Variants in CUL1 observed in about 807,000 individuals in gnomAD.
CUL1 encodes the protein cullin 1, also known as cullin-1.
In CUL1, 24 loss-of-function variants were observed where a neutral mutation model predicts 118.0. That is an observed-to-expected ratio of 0.20 (90% CI 0.15 to 0.29). CUL1 has a LOEUF of 0.29. Ranked by LOEUF, CUL1 falls within the 10% of genes least tolerant of loss-of-function variation. The pLI is 1.00. For missense variants in CUL1, 361 were observed against 933.8 expected, an observed-to-expected ratio of 0.39 and a Z score of 7.99; for synonymous variants, 332 against 340.4, an observed-to-expected ratio of 0.98 and a Z score of 0.27.
chr7:148,738,148 A>C (rs1799020280), intron 2 of CUL1, among the ~76,000 whole-genome samples: 1 of 152,216 alleles, frequency 6.6e-6, no homozygotes, highest in African/African-American at 2.4e-5. Flanking sequence ...CACTTCAGAA[A>C]TAAGGCATGG....
chr7:148,705,301 G>A (rs1238895276), intron 1 of CUL1, among the ~76,000 whole-genome samples: 1 of 152,144 alleles, frequency 6.6e-6, no homozygotes, highest in Non-Finnish European at 1.5e-5. Flanking sequence ...AGTGATAGTA[G>A]ATGTGTTTTA....
At chr7:148,765,059 T>C (rs1046062455) in intron 7 of CUL1, among the ~76,000 whole-genome samples, 29 of 152,234 alleles carry the variant, frequency 1.9e-4, no homozygotes, top group African/African-American at 5.5e-4. Context: ...TTTTATTTGG[T>C]TGTACTCACT....
chr7:148,800,799 C>T lies in CUL1; in HGVS notation c.*217C>T, dbSNP rs921413675. On this transcript the variant is annotated 3_prime_UTR_variant, in exon 22 of 22. Coordinates refer to ENST00000325222, the MANE Select transcript of CUL1 (RefSeq NM_003592.3). The surrounding 1 kb of genome is among the most constrained non-coding windows in gnomAD (Gnocchi z 4.6). Reference sequence around the variant, plus strand: ...AAATACGGACACCAACGCCATTTACCCTAATTTAAGAACAGCGGGGACTGA... The same window carrying T: ...AAATACGGACACCAACGCCATTTACTCTAATTTAAGAACAGCGGGGACTGA... 4 of 486,044 alleles carry T rather than the reference C, an allele frequency of 8.2e-6. No individual in the cohort carries two copies. Among genetic ancestry groups the T allele is most frequent in the Non-Finnish European group, 1.5e-5 (4 of 271,960 alleles). 30.1% of individuals were successfully genotyped at this position (486,044 alleles called of 1,614,324 possible).
chr7:148,793,349 G>T (rs1439866183), intron 17 of CUL1, among the ~76,000 whole-genome samples: 1 of 152,090 alleles, frequency 6.6e-6, no homozygotes, highest in East Asian at 1.9e-4. Flanking sequence ...TCATTTTAAA[G>T]TGTACAAAGT....
At chr7:148,712,864 G>A (rs1374458493) in intron 1 of CUL1, among the ~76,000 whole-genome samples, 2 of 152,124 alleles carry the variant, frequency 1.3e-5, no homozygotes, top group African/African-American at 2.4e-5. Flanking sequence ...TTTGCAATTT[G>A]TCACTGTGTA....
At chr7:148,738,206 C>A (rs537625926) in intron 2 of CUL1, among the ~76,000 whole-genome samples, 4 of 152,196 alleles carry the variant, frequency 2.6e-5, no homozygotes, top group Non-Finnish European at 4.4e-5. Context: ...CGTCATCCTG[C>A]TGCTCACTTT....
chr7:148,758,685 T>C (rs987699921), intron 4 of CUL1, among the ~76,000 whole-genome samples: 72 of 152,362 alleles, frequency 4.7e-4, no homozygotes, highest in African/African-American at 1.7e-3. Flanking sequence ...TAGCTCCAGT[T>C]TCTATACCAA....
At chr7:148,773,018 C>T (rs767789696) in intron 9 of CUL1, among the ~76,000 whole-genome samples, 3 of 152,060 alleles carry the variant, frequency 2.0e-5, no homozygotes, top group Admixed American at 1.3e-4. Flanking sequence ...ATCTGGGCTT[C>T]GTTTATCACT....
chr7:148,754,234 A>C, intron 3 of CUL1, 84 bp downstream of exon 3: 1 of 919,212 alleles, frequency 1.1e-6, no homozygotes, highest in East Asian at 2.7e-5. Context: ...TAAATCTTTC[A>C]CTGTCATCTG....
chr7:148,758,527 G>A (rs1400676308), intron 4 of CUL1, among the ~76,000 whole-genome samples: 1 of 152,192 alleles, frequency 6.6e-6, no homozygotes, highest in African/African-American at 2.4e-5. Flanking sequence ...TGAGGTGGAA[G>A]CATCACTTGA....
At chr7:148,771,141 A>T (rs1800197034) in intron 9 of CUL1, among the ~76,000 whole-genome samples, 1 of 152,198 alleles carries the variant, frequency 6.6e-6, no homozygotes, top group South Asian at 2.1e-4. Context: ...CTGGACTAGA[A>T]CACTATATAT....
At chr7:148,759,675 C>T in intron 6 of CUL1, 37 bp downstream of exon 6, 1 of 1,151,592 alleles carries the variant, frequency 8.7e-7, no homozygotes, top group Non-Finnish European at 1.3e-6. Context: ...AAAGTTTTCA[C>T]ATCAAATGGC....
intron 1 of CUL1, among the ~76,000 whole-genome samples, chr7:148,705,921 A>G (rs549702966): frequency 6.6e-6 from 1 of 152,222 alleles, no homozygotes; most frequent in Non-Finnish European, 1.5e-5. Context: ...CTTACATGCA[A>G]TAATAACCCT....
At chr7:148,796,303 C>G (rs1801196376) in intron 17 of CUL1, among the ~76,000 whole-genome samples, 1 of 152,140 alleles carries the variant, frequency 6.6e-6, no homozygotes, top group Admixed American at 6.5e-5. Flanking sequence ...CCCTGGTGTT[C>G]TTAGGGTGAG....
At chr7:148,724,090 A>G (rs1029285197) in intron 1 of CUL1, among the ~76,000 whole-genome samples, 1 of 152,178 alleles carries the variant, frequency 6.6e-6, no homozygotes, top group Non-Finnish European at 1.5e-5. Flanking sequence ...CTCTTTTTCA[A>G]AAGCCCTTCC....
intron 1 of CUL1, among the ~76,000 whole-genome samples, chr7:148,702,373 A>T (rs542389132): frequency 1.3e-5 from 2 of 152,198 alleles, no homozygotes; most frequent in Non-Finnish European, 2.9e-5. Context: ...TTTGCAGGGC[A>T]TATATTTCCT....
rs374083006 is a variant in CUL1 at position 148,749,817 on chromosome 7, C to G, written c.141-4159C>G. ...AGGCATGTTGAAAGCTGAGATAGGC[C>G]AAAAGCTAGGCCTCTTGTGCTAAAC... On this transcript the variant is annotated intron_variant, in intron 2 of 21. Coordinates refer to ENST00000325222, the MANE Select transcript of CUL1 (RefSeq NM_003592.3). 3.1e-4 allele frequency among the ~76,000 whole-genome samples: 47 copies of G among 152,328 alleles called. No homozygotes were observed. The East Asian group carries it at 8.5e-3, about 27-fold the overall frequency.
At chr7:148,775,870 A>AC (rs397813643) in intron 9 of CUL1, among the ~76,000 whole-genome samples, 1 of 151,058 alleles carries the variant, frequency 6.6e-6, no homozygotes, top group Non-Finnish European at 1.5e-5. Context: ...AAAAAAAAAA[A>AC]GGTTTGATTT....
intron 1 of CUL1, among the ~76,000 whole-genome samples, chr7:148,715,940 GTTTAA>G (rs1451553354): frequency 6.6e-6 from 1 of 152,138 alleles, no homozygotes; most frequent in African/African-American, 2.4e-5. Context: ...TAAACTGAGT[GTTTAA>G]TTTAGTGATA....
Sources: allele counts gnomAD v4.1 joint callset (sites outside exome capture counted in the v4.1 genomes callset), GRCh38; gene constraint gnomAD v4.1.1; non-coding constraint Gnocchi (gnomAD v3.1); transcripts MANE v1.5; gene names NCBI Gene and HGNC (gene_info 2026-07-23, HGNC 2026-07-21).